FAM184A: variants seen among roughly 807,000 people sequenced by gnomAD.
FAM184A encodes the protein protein FAM184A.
In FAM184A, 99 loss-of-function variants were observed where a neutral mutation model predicts 143.8. The observed-to-expected ratio is 0.69, with a 90% CI of 0.58 to 0.81. The LOEUF is 0.81. FAM184A is among the 40% of genes least tolerant of loss of function. FAM184A has a pLI of 0.00. For missense variants in FAM184A, 1,217 were observed against 1,310.5 expected, an observed-to-expected ratio of 0.93 and a Z score of 1.10; for synonymous variants, 427 against 446.4, an observed-to-expected ratio of 0.96 and a Z score of 0.55.
chr6:119,078,107 G>A lies in FAM184A; in HGVS notation c.159+34C>T. 6.4e-7 allele frequency: 1 copy of A among 1,555,362 alleles called. No homozygotes were observed. Among genetic ancestry groups the A allele is most frequent in the Non-Finnish European group, 8.7e-7 (1 of 1,155,016 alleles). Reference sequence around the variant, plus strand: ...AGGTGAGTCCGGCGCGGCCCGCACGGGGTCGCCACCTGCCCCGTCGCTGCC... The same window carrying A: ...AGGTGAGTCCGGCGCGGCCCGCACGAGGTCGCCACCTGCCCCGTCGCTGCC... On this transcript the variant is annotated intron_variant, in intron 1 of 17. Coordinates refer to ENST00000338891, the MANE Select transcript of FAM184A (RefSeq NM_024581.6). The surrounding 1 kb of genome is among the most constrained non-coding windows in gnomAD (Gnocchi z 5.5).
chr6:119,072,340 G>T (rs1582586787), intron 1 of FAM184A, among the ~76,000 whole-genome samples: 1 of 152,266 alleles, frequency 6.6e-6, no homozygotes, highest in Non-Finnish European at 1.5e-5. Context: ...TAACAGCATG[G>T]CAAAGCTACA....
chr6:118,975,264 T>G lies in FAM184A; in HGVS notation c.2584-56A>C, dbSNP rs1036126880. 13 of 1,263,460 alleles carry G rather than the reference T, an allele frequency of 1.0e-5. No homozygotes were observed. In the Admixed American group the frequency reaches 1.1e-4, roughly 10 times the overall value. 78.3% of individuals were successfully genotyped at this position (1,263,460 alleles called of 1,614,324 possible). On this transcript the variant is annotated intron_variant, in intron 12 of 17. Coordinates refer to ENST00000338891, the MANE Select transcript of FAM184A (RefSeq NM_024581.6). ...TTTTCTACATATTTGATTTCTGTGT[T>G]TATCTGCGGGAAAGAAAATGACACA...
In FAM184A at chr6:119,078,105, C is replaced by A; in HGVS notation, c.159+36G>T. The A allele has an allele frequency of 1.3e-6, 2 of 1,552,518 alleles. No individual in the cohort carries two copies. Among genetic ancestry groups the A allele is most frequent in the Non-Finnish European group, 1.7e-6 (2 of 1,153,646 alleles). ...ACAGGTGAGTCCGGCGCGGCCCGCA[C>A]GGGGTCGCCACCTGCCCCGTCGCTG... On this transcript the variant is annotated intron_variant, in intron 1 of 17. Coordinates refer to ENST00000338891, the MANE Select transcript of FAM184A (RefSeq NM_024581.6). This position sits in a 1 kb window ranked among gnomAD's most constrained non-coding sequence, Gnocchi z 5.5.
At chr6:119,008,664 T>C (rs763914674) in intron 6 of FAM184A, among the ~76,000 whole-genome samples, 2 of 152,308 alleles carry the variant, frequency 1.3e-5, no homozygotes, top group Admixed American at 6.5e-5. Context: ...TCCATATTAA[T>C]GTACAAACTG....
intron 1 of FAM184A, among the ~76,000 whole-genome samples, chr6:119,134,983 CT>C (rs1208956001): frequency 6.6e-6 from 1 of 152,180 alleles, no homozygotes; most frequent in African/African-American, 2.4e-5. Flanking sequence ...CTGTGCCTAA[CT>C]TTTGATCCAG....
At chr6:119,102,278 G>T (rs368339208) in intron 1 of FAM184A, among the ~76,000 whole-genome samples, 1 of 152,004 alleles carries the variant, frequency 6.6e-6, no homozygotes, top group Non-Finnish European at 1.5e-5. Flanking sequence ...TTTAGGATTT[G>T]CTGTAGGCCA....
intron 8 of FAM184A, 69 bp from the exon 9 acceptor site, chr6:119,003,118 C>T: frequency 2.2e-6 from 3 of 1,394,904 alleles, no homozygotes; most frequent in Non-Finnish European, 2.9e-6. Context: ...ATAGAGTCTA[C>T]AGGTTTTTTA....
intron 1 of FAM184A, among the ~76,000 whole-genome samples, chr6:119,040,567 G>A (rs983243270): frequency 2.6e-5 from 4 of 152,168 alleles, no homozygotes; most frequent in African/African-American, 9.7e-5. Context: ...CTTCTTGACA[G>A]GAGCCTTGCA....
chr6:118,993,227 G>T (rs6901460), intron 9 of FAM184A, among the ~76,000 whole-genome samples: 2,834 of 152,166 alleles, frequency 0.019, 97 homozygotes, highest in African/African-American at 0.065. Context: ...GAGAAGACTT[G>T]GAGACTTCAG....
intron 11 of FAM184A, among the ~76,000 whole-genome samples, chr6:118,977,527 C>T (rs1783882672): frequency 6.6e-6 from 1 of 152,170 alleles, no homozygotes; most frequent in Admixed American, 6.5e-5. Flanking sequence ...TTGCAGTGAG[C>T]TGATAGCACA....
chr6:118,980,377 A>G, intron 9 of FAM184A, 27 bp from the exon 10 acceptor site: 1 of 1,583,980 alleles, frequency 6.3e-7, no homozygotes, highest in Non-Finnish European at 8.7e-7. Context: ...TACACAATGA[A>G]GAATAAATAC....
intron 1 of FAM184A, among the ~76,000 whole-genome samples, chr6:119,139,474 C>T (rs1357993251): frequency 6.6e-6 from 1 of 151,998 alleles, no homozygotes; most frequent in African/African-American, 2.4e-5. Flanking sequence ...CAGGGATACT[C>T]GTGGGGAGAA....
chr6:119,052,914 C>T (rs1582558990), intron 1 of FAM184A, among the ~76,000 whole-genome samples: 1 of 152,222 alleles, frequency 6.6e-6, no homozygotes, highest in Non-Finnish European at 1.5e-5. Flanking sequence ...TCAGTAAACA[C>T]TCCTTTCTTT....
intron 6 of FAM184A, among the ~76,000 whole-genome samples, chr6:119,009,233 C>G (rs1372002740): frequency 2.0e-5 from 3 of 152,092 alleles, no homozygotes; most frequent in African/African-American, 7.2e-5. Flanking sequence ...CTATCACACT[C>G]CGTTTTTTCT....
At chr6:119,119,492 T>C (rs557641009) in intron 1 of FAM184A, among the ~76,000 whole-genome samples, 2 of 152,112 alleles carry the variant, frequency 1.3e-5, no homozygotes, top group African/African-American at 4.8e-5. Flanking sequence ...TTAGGGAAAA[T>C]AGAAAAGAAC....
chr6:118,995,927 C>T (rs961523331), intron 9 of FAM184A, among the ~76,000 whole-genome samples: 1 of 152,216 alleles, frequency 6.6e-6, no homozygotes, highest in African/African-American at 2.4e-5. Flanking sequence ...CATTTCATCA[C>T]AGGTGTTACT....
At chr6:119,002,857 T>C (rs550130909) in intron 9 of FAM184A, 42 bp downstream of exon 9, 2 of 1,505,320 alleles carry the variant, frequency 1.3e-6, no homozygotes, top group East Asian at 2.4e-5. Flanking sequence ...CCAGAGAATG[T>C]CAAGGGAGAT....
rs528437477 is a variant in FAM184A at position 118,980,098 on chromosome 6, C to T, written c.2301+40G>A. The T allele has an allele frequency of 9.7e-6, 15 of 1,549,106 alleles. No homozygotes were observed. In the East Asian group the frequency reaches 3.4e-4, roughly 35 times the overall value. On this transcript the variant is annotated intron_variant, in intron 10 of 17. Transcript: ENST00000338891. The stretch of plus-strand genomic sequence containing the variant: ...AATTTGAAGACTAATTATTATTAGG[C>T]AGTTGGGTTACATTTGAACGTATGT...
chr6:119,063,938 T>C lies in FAM184A; in HGVS notation c.159+14203A>G, dbSNP rs572849776. 1.9e-3 allele frequency among the ~76,000 whole-genome samples: 286 copies of C among 152,252 alleles called. 1 individual carries two copies. Among genetic ancestry groups the C allele is most frequent in the African/African-American group, 6.6e-3 (274 of 41,544 alleles). ...TATCTTTGGAGAGTTCAAAAATGCC[T>C]GTGGAACCCAAAATATCAGACTTAT... On this transcript the variant is annotated intron_variant, in intron 1 of 17. Transcript: ENST00000338891.
Sources: gnomAD v4.1 joint callset for allele counts (sites outside exome capture counted in the v4.1 genomes callset) on GRCh38, gnomAD v4.1.1 for gene constraint, Gnocchi (gnomAD v3.1) non-coding constraint, MANE v1.5 for transcripts, NCBI Gene and HGNC (gene_info 2026-07-23, HGNC 2026-07-21) for gene names.